Variants in NAALADL2 observed in about 807,000 individuals in gnomAD.
NAALADL2 encodes the protein N-acetylated alpha-linked acidic dipeptidase like 2.
A neutral mutation model predicts 87.2 loss-of-function variants in NAALADL2; 76 were observed. The ratio of observed to expected loss-of-function variants is 0.87; its 90% CI spans 0.72 to 1.05. The LOEUF (loss-of-function observed/expected upper bound fraction) is 1.05, where lower values mean the gene tolerates loss of function less well. Ranked by LOEUF, NAALADL2 falls within the 50% of genes least tolerant of loss-of-function variation. NAALADL2 has a pLI of 0.00. For missense variants in NAALADL2, 1,089 were observed against 945.8 expected (o/e 1.15, Z -1.99); for synonymous variants, 354 against 331.0 (o/e 1.07, Z -0.75).
intron 2 of NAALADL2, among the ~76,000 whole-genome samples, chr3:174,619,214 A>G (rs974147718): frequency 1.3e-5 from 2 of 152,088 alleles, no homozygotes; most frequent in East Asian, 3.9e-4. Flanking sequence ...GTAAATTTAA[A>G]AATCTATTTT....
chr3:175,634,919 C>CA (rs922746508), intron 11 of NAALADL2, among the ~76,000 whole-genome samples: 45 of 151,786 alleles, frequency 3.0e-4, no homozygotes, highest in Admixed American at 5.9e-4. Flanking sequence ...TGAGCTAAAA[C>CA]AAAAAAATCC....
intron 11 of NAALADL2, among the ~76,000 whole-genome samples, chr3:175,651,190 T>C (rs1399817828): frequency 1.3e-5 from 2 of 152,150 alleles, no homozygotes; most frequent in Non-Finnish European, 2.9e-5. Context: ...TAATGGGATT[T>C]CTCTGAATAA....
At chr3:174,617,762 T>A (rs1720603562) in intron 2 of NAALADL2, among the ~76,000 whole-genome samples, 1 of 151,826 alleles carries the variant, frequency 6.6e-6, no homozygotes, top group Non-Finnish European at 1.5e-5. Flanking sequence ...GATTTAGAGA[T>A]GATTTACCAA....
intron 1 of NAALADL2, among the ~76,000 whole-genome samples, chr3:174,470,304 G>C (rs1716820988): frequency 6.6e-6 from 1 of 152,066 alleles, no homozygotes; most frequent in African/African-American, 2.4e-5. Flanking sequence ...CTTCTTTTGA[G>C]AAGTTCCTCT....
Position 174,840,930 on chromosome 3 carries a change from A to G in NAALADL2, c.-9+103184A>G, listed in dbSNP as rs114388994. On this transcript the variant is annotated intron_variant, in intron 3 of 3. Coordinates refer to the NAALADL2 transcript ENST00000434257. Reference sequence around the variant, plus strand: ...GCAGGAAAGTAGAAGTGGAGCTTTCAGAAAGAAAACATTCACAGTAGAAAG... The same window carrying G: ...GCAGGAAAGTAGAAGTGGAGCTTTCGGAAAGAAAACATTCACAGTAGAAAG... Among the ~76,000 whole-genome samples the G allele has an allele frequency of 2.9e-3, 443 of 152,216 alleles. 2 individuals are homozygous for G. The highest frequency in any genetic ancestry group is 0.01 in the African/African-American group (427 of 41,548).
intron 3 of NAALADL2, among the ~76,000 whole-genome samples, chr3:174,794,552 T>C (rs1238332746): frequency 6.6e-6 from 1 of 152,212 alleles, no homozygotes; most frequent in Non-Finnish European, 1.5e-5. Flanking sequence ...TATTTGCTAA[T>C]GCAGGATATC....
At chr3:175,760,745 A>G (rs1747893439) in intron 13 of NAALADL2, among the ~76,000 whole-genome samples, 4 of 152,258 alleles carry the variant, frequency 2.6e-5, no homozygotes, top group South Asian at 2.1e-4. Context: ...ATCTCTGGGC[A>G]TCTGTGTTTT....
intron 1 of NAALADL2, among the ~76,000 whole-genome samples, chr3:174,974,689 TATAATC>T (rs1744128489): frequency 6.6e-6 from 1 of 152,176 alleles, no homozygotes; most frequent in Admixed American, 6.5e-5. Context: ...ATGGAGCTGA[TATAATC>T]AGGAGATATA....
At chr3:175,584,487 C>T (rs181828174) in intron 10 of NAALADL2, among the ~76,000 whole-genome samples, 388 of 152,314 alleles carry the variant, frequency 2.5e-3, no homozygotes, top group Non-Finnish European at 3.9e-3. Context: ...TACTTTTATG[C>T]TGTTTCTCAA....
chr3:175,468,561 T>A (rs2149284043), intron 8 of NAALADL2, among the ~76,000 whole-genome samples: 1 of 152,228 alleles, frequency 6.6e-6, no homozygotes, highest in South Asian at 2.1e-4. Flanking sequence ...CTTTAAAATG[T>A]CTTAAAGATT....
At chr3:174,612,947 C>T (rs1578318717) in intron 2 of NAALADL2, among the ~76,000 whole-genome samples, 1 of 152,256 alleles carries the variant, frequency 6.6e-6, no homozygotes, top group Admixed American at 6.5e-5. Context: ...GGAGAGCTTT[C>T]CATACAGTTG....
chr3:175,359,899 T>C (rs1764787638), intron 5 of NAALADL2, among the ~76,000 whole-genome samples: 1 of 152,140 alleles, frequency 6.6e-6, no homozygotes, highest in African/African-American at 2.4e-5. Flanking sequence ...CCCCACCTTT[T>C]CTGAACTCTC....
At chr3:175,592,796 G>A (rs1298848513) in intron 10 of NAALADL2, among the ~76,000 whole-genome samples, 4 of 150,644 alleles carry the variant, frequency 2.7e-5, no homozygotes, top group Non-Finnish European at 4.4e-5. Context: ...GCTAGATGAC[G>A]AGTTATTGGG....
At chr3:175,326,159 A>G (rs1204636071) in intron 5 of NAALADL2, among the ~76,000 whole-genome samples, 3 of 152,342 alleles carry the variant, frequency 2.0e-5, no homozygotes, top group African/African-American at 4.8e-5. Context: ...TCTACCTTCC[A>G]TAAAGCCCTA....
intron 1 of NAALADL2, among the ~76,000 whole-genome samples, chr3:174,884,269 C>G (rs762635939): frequency 1.8e-4 from 28 of 152,242 alleles, no homozygotes; most frequent in Admixed American, 6.5e-4. Context: ...ATGAAAGAAA[C>G]AGTACCATAT....
intron 5 of NAALADL2, among the ~76,000 whole-genome samples, chr3:175,446,872 A>T (rs890390247): frequency 1.3e-5 from 2 of 152,104 alleles, no homozygotes; most frequent in African/African-American, 2.4e-5. Context: ...ACTGACACTT[A>T]CATATCTGCT....
intron 1 of NAALADL2, among the ~76,000 whole-genome samples, chr3:175,079,852 T>C (rs956787941): frequency 6.6e-6 from 1 of 152,198 alleles, no homozygotes; most frequent in African/African-American, 2.4e-5. Context: ...ATGTAAATCA[T>C]TCAGGATGCC....
In NAALADL2 at chr3:175,369,148, C is replaced by G. The variant is rs1302494476; in HGVS notation, c.1090+44823C>G. Reference sequence around the variant, plus strand: ...TAGAGTTTTTCAGCTCCACTATAATCTATGGAACCACCCTCATGTATGTGA... The same window carrying G: ...TAGAGTTTTTCAGCTCCACTATAATGTATGGAACCACCCTCATGTATGTGA... On this transcript the variant is annotated intron_variant, in intron 5 of 13. Transcript: ENST00000454872. Among the ~76,000 whole-genome samples, 5 of 152,176 alleles carry G rather than the reference C, an allele frequency of 3.3e-5. No individual in the cohort carries two copies. The East Asian group carries it at 9.6e-4, about 29-fold the overall frequency.
At chr3:175,556,108 C>G (rs1369621230) in intron 9 of NAALADL2, among the ~76,000 whole-genome samples, 1 of 152,140 alleles carries the variant, frequency 6.6e-6, no homozygotes, top group East Asian at 1.9e-4. Context: ...GGGATCAGCA[C>G]CATACAGTAT....
Sources: allele counts gnomAD v4.1 joint callset (sites outside exome capture counted in the v4.1 genomes callset), GRCh38; gene constraint gnomAD v4.1.1; transcripts MANE v1.5; gene names NCBI Gene and HGNC (gene_info 2026-07-23, HGNC 2026-07-21).